Variants in SORCS2 observed in about 807,000 individuals in gnomAD.
SORCS2 encodes the protein sortilin related VPS10 domain containing receptor 2.
In SORCS2, 100 loss-of-function variants were observed where a neutral mutation model predicts 141.6. That is an observed-to-expected ratio of 0.71 (90% CI 0.60 to 0.83). The LOEUF (loss-of-function observed/expected upper bound fraction) is 0.83, where lower values mean the gene tolerates loss of function less well. Ranked by LOEUF, SORCS2 falls within the 40% of genes least tolerant of loss-of-function variation. The pLI, the probability that SORCS2 is intolerant of heterozygous loss-of-function variation, is 0.00. For missense variants in SORCS2, 1,646 were observed against 1,560.2 expected, an observed-to-expected ratio of 1.05 and a Z score of -0.93; for synonymous variants, 789 against 676.9, an observed-to-expected ratio of 1.17 and a Z score of -2.57.
At chr4:7,361,329 A>G (rs1721566075) in intron 1 of SORCS2, among the ~76,000 whole-genome samples, 1 of 151,914 alleles carries the variant, frequency 6.6e-6, no homozygotes, top group African/African-American at 2.4e-5. Flanking sequence ...CATTAATGTC[A>G]CCCCTTGACA....
chr4:7,322,668 A>G (rs577344971), intron 1 of SORCS2, among the ~76,000 whole-genome samples: 1 of 152,340 alleles, frequency 6.6e-6, no homozygotes, highest in African/African-American at 2.4e-5. Context: ...CAAGAGTCTC[A>G]GCCCCTAAGC....
chr4:7,485,944 T>TA (rs1448455263), intron 2 of SORCS2, among the ~76,000 whole-genome samples: 1 of 152,150 alleles, frequency 6.6e-6, no homozygotes, highest in Non-Finnish European at 1.5e-5. Flanking sequence ...GGAAATGCCC[T>TA]AAACCCAGCG....
chr4:7,407,763 T>C (rs945841492), intron 2 of SORCS2, among the ~76,000 whole-genome samples: 4 of 152,150 alleles, frequency 2.6e-5, no homozygotes, highest in African/African-American at 9.6e-5. Context: ...CTTCCTTTCT[T>C]ACTATTTTTC....
intron 8 of SORCS2, among the ~76,000 whole-genome samples, chr4:7,668,579 T>A (rs576595662): frequency 3.9e-5 from 6 of 152,104 alleles, no homozygotes; most frequent in African/African-American, 7.2e-5. Context: ...CTCAGACCTC[T>A]CCTGAGCCAG....
intron 1 of SORCS2, among the ~76,000 whole-genome samples, chr4:7,197,779 G>C (rs1441653488): frequency 6.6e-6 from 1 of 152,224 alleles, no homozygotes; most frequent in Non-Finnish European, 1.5e-5. Flanking sequence ...CCGTGTCGCA[G>C]TGACGAGTGG....
chr4:7,265,310 G>T (rs1714652590), intron 1 of SORCS2, among the ~76,000 whole-genome samples: 1 of 152,148 alleles, frequency 6.6e-6, no homozygotes, highest in Non-Finnish European at 1.5e-5. Flanking sequence ...GGCCAACATG[G>T]TGAAAACCTG....
intron 1 of SORCS2, among the ~76,000 whole-genome samples, chr4:7,298,406 G>A (rs1443508662): frequency 2.6e-5 from 4 of 152,172 alleles, no homozygotes; most frequent in East Asian, 1.9e-4. Context: ...CAGAGGCCAG[G>A]ATGCCCTGAC....
rs1212729429 is a variant in SORCS2, at chr4:7,286,366, T to C, written c.480+93240T>C. ...AGCCTGGGGTGGCTCTGGGGCTGGG[T>C]TGGGGAGCTACCTACTTTGGCCAGA... On this transcript the variant is annotated intron_variant, in intron 1 of 26. Coordinates refer to ENST00000507866, the MANE Select transcript of SORCS2 (RefSeq NM_020777.3). This position sits in a 1 kb window ranked among gnomAD's most constrained non-coding sequence, Gnocchi z 4.1. Among the ~76,000 whole-genome samples, 2 of 151,876 alleles carry C rather than the reference T, an allele frequency of 1.3e-5. No homozygotes were observed. The highest frequency in any genetic ancestry group is 2.4e-5 in the African/African-American group (1 of 41,344).
intron 2 of SORCS2, among the ~76,000 whole-genome samples, chr4:7,525,851 A>AGTCACCTGTCCCCTCCTCC (rs1733647808): frequency 8.9e-6 from 1 of 112,642 alleles, no homozygotes; most frequent in Non-Finnish European, 1.8e-5. Context: ...GCCCTCCTGC[A>AGTCACCTGTCCCCTCCTCC]GTCACCTGTC....
At chr4:7,478,629 C>G (rs1730444014) in intron 2 of SORCS2, among the ~76,000 whole-genome samples, 5 of 152,202 alleles carry the variant, frequency 3.3e-5, no homozygotes, top group Admixed American at 3.3e-4. Flanking sequence ...TGGACCTCCC[C>G]CTGCTCTGAC....
chr4:7,380,282 A>G (rs1722905154), intron 1 of SORCS2, among the ~76,000 whole-genome samples: 1 of 151,952 alleles, frequency 6.6e-6, no homozygotes, highest in Admixed American at 6.5e-5. Context: ...TCTGGCTTTA[A>G]ACAAGTAACA....
intron 2 of SORCS2, chr4:7,433,539 G>A (rs1215089943): frequency 9.3e-6 from 15 of 1,610,022 alleles, no homozygotes; most frequent in South Asian, 2.2e-5. Flanking sequence ...CAATGAGCAC[G>A]GGCTCGTACT....
At chr4:7,434,787 C>G (rs780613090) in intron 2 of SORCS2, 3 of 1,611,368 alleles carry the variant, frequency 1.9e-6, no homozygotes, top group Non-Finnish European at 2.5e-6. Context: ...GACACCACAC[C>G]GTGGAGCCCT....
At chr4:7,701,932 C>T (rs191796213) in intron 12 of SORCS2, among the ~76,000 whole-genome samples, 2 of 152,278 alleles carry the variant, frequency 1.3e-5, no homozygotes, top group East Asian at 3.9e-4. Flanking sequence ...ACATGAGGCC[C>T]CGTTAGGCTC....
chr4:7,391,910 C>T (rs1344889973), intron 1 of SORCS2, among the ~76,000 whole-genome samples: 1 of 152,184 alleles, frequency 6.6e-6, no homozygotes, highest in Non-Finnish European at 1.5e-5. Flanking sequence ...TGCAGACACA[C>T]AGTCCCTAAC....
intron 1 of SORCS2, among the ~76,000 whole-genome samples, chr4:7,383,317 C>G (rs1476961459): frequency 6.6e-6 from 1 of 152,216 alleles, no homozygotes; most frequent in African/African-American, 2.4e-5. Context: ...GGACATTGTT[C>G]AGAGGCTGCT....
intron 12 of SORCS2, among the ~76,000 whole-genome samples, chr4:7,698,883 A>G (rs1724877401): frequency 6.6e-6 from 1 of 151,124 alleles, no homozygotes; most frequent in African/African-American, 2.4e-5. Flanking sequence ...GGGTGGGCTG[A>G]GGAGGAAGGA....
chr4:7,630,959 A>G lies in SORCS2; in HGVS notation c.649-7369A>G, dbSNP rs144792738. ...TCCTCCCCAGGACAGAGATTTGTGAATGGAAACCAGAGTTCTGCAGAGGCG... is the reference window on the plus strand; with the variant it reads ...TCCTCCCCAGGACAGAGATTTGTGAGTGGAAACCAGAGTTCTGCAGAGGCG... On this transcript the variant is annotated intron_variant, in intron 3 of 26. Transcript: ENST00000507866. Among the ~76,000 whole-genome samples the G allele has an allele frequency of 2.0e-5, 3 of 152,194 alleles. No homozygotes were observed. The East Asian group carries it at 5.8e-4, about 29-fold the overall frequency.
chr4:7,637,872 A>G (rs1387436775), intron 3 of SORCS2, among the ~76,000 whole-genome samples: 1 of 149,318 alleles, frequency 6.7e-6, no homozygotes, highest in Non-Finnish European at 1.5e-5. Context: ...GTGAATGGCT[A>G]TGATTTGCAT....
Sources: gnomAD v4.1 joint callset for allele counts (sites outside exome capture counted in the v4.1 genomes callset) on GRCh38, gnomAD v4.1.1 for gene constraint, Gnocchi (gnomAD v3.1) non-coding constraint, MANE v1.5 for transcripts, NCBI Gene and HGNC (gene_info 2026-07-23, HGNC 2026-07-21) for gene names.